ROBO1: variants seen among roughly 807,000 people sequenced by gnomAD.
ROBO1 encodes the protein roundabout guidance receptor 1.
ROBO1 carries 149 observed loss-of-function variants against 195.9 expected under a neutral mutation model. The ratio of observed to expected loss-of-function variants is 0.76; its 90% CI spans 0.67 to 0.87. ROBO1 has a LOEUF of 0.87. Ranked by LOEUF, ROBO1 falls within the 40% of genes least tolerant of loss-of-function variation. The pLI is 0.00. For missense variants in ROBO1, 1,933 were observed against 2,068.3 expected (o/e 0.93, Z 1.27); for synonymous variants, 816 against 733.2 (o/e 1.11, Z -1.82).
intron 1 of ROBO1, among the ~76,000 whole-genome samples, chr3:79,658,963 C>T (rs1004575587): frequency 6.6e-6 from 1 of 151,910 alleles, no homozygotes; most frequent in African/African-American, 2.4e-5. Context: ...TCTTGAACTC[C>T]TGACATCGTG....
rs146606179 is a variant in ROBO1, at chr3:79,189,458, C to A, written c.89-63919G>T. On this transcript the variant is annotated intron_variant, in intron 2 of 30. Coordinates refer to ENST00000464233, the MANE Select transcript of ROBO1 (RefSeq NM_002941.4). ...GTCCATGTTATGTTTGTCTATGCTGCTGCTCCTAAGAAAAGGTGAGGGGGA... is the reference window on the plus strand; with the variant it reads ...GTCCATGTTATGTTTGTCTATGCTGATGCTCCTAAGAAAAGGTGAGGGGGA... Among the ~76,000 whole-genome samples the A allele has an allele frequency of 2.9e-3, 444 of 151,820 alleles. 1 individual carries two copies. The highest frequency in any genetic ancestry group is 0.01 in the African/African-American group (426 of 41,480).
chr3:78,828,864 T>C (rs1428582865), intron 4 of ROBO1, among the ~76,000 whole-genome samples: 2 of 152,200 alleles, frequency 1.3e-5, no homozygotes, highest in African/African-American at 2.4e-5. Flanking sequence ...AAATCAAGTA[T>C]ATAAATATTA....
At chr3:79,685,596 T>C (rs2107018092) in intron 1 of ROBO1, among the ~76,000 whole-genome samples, 1 of 152,266 alleles carries the variant, frequency 6.6e-6, no homozygotes, top group African/African-American at 2.4e-5. Context: ...ACAGGGCAGT[T>C]AATGAAAGTT....
intron 4 of ROBO1, among the ~76,000 whole-genome samples, chr3:78,842,508 T>A (rs1305239577): frequency 2.9e-5 from 3 of 101,710 alleles, no homozygotes; most frequent in Non-Finnish European, 5.9e-5. Context: ...ATATATATTT[T>A]TATATATATG....
intron 2 of ROBO1, among the ~76,000 whole-genome samples, chr3:79,444,680 A>T (rs902300181): frequency 6.6e-6 from 1 of 151,934 alleles, no homozygotes; most frequent in African/African-American, 2.4e-5. Flanking sequence ...GCTTGGTCCA[A>T]ACTTTATTTT....
intron 3 of ROBO1, among the ~76,000 whole-genome samples, chr3:78,951,828 T>G (rs1361550242): frequency 6.6e-6 from 1 of 152,240 alleles, no homozygotes; most frequent in South Asian, 2.1e-4. Context: ...AGATTTATGA[T>G]GAGGAAACCA....
chr3:79,028,264 A>T (rs1298633296), intron 3 of ROBO1, among the ~76,000 whole-genome samples: 1 of 151,944 alleles, frequency 6.6e-6, no homozygotes, highest in Non-Finnish European at 1.5e-5. Flanking sequence ...ATTTTGTTGT[A>T]TATTTTTTCT....
intron 2 of ROBO1, among the ~76,000 whole-genome samples, chr3:79,260,253 AATATC>A (rs577700890): frequency 1.7e-3 from 255 of 152,172 alleles, no homozygotes; most frequent in Non-Finnish European, 3.0e-3. Flanking sequence ...CTTTATCATA[AATATC>A]ATATTATTTA....
At chr3:79,436,863 T>A (rs993517196) in intron 2 of ROBO1, among the ~76,000 whole-genome samples, 1 of 152,066 alleles carries the variant, frequency 6.6e-6, no homozygotes, top group African/African-American at 2.4e-5. Context: ...AGAAATTAGC[T>A]TTAAAAATTC....
At chr3:79,574,117 T>C (rs1337394340) in intron 2 of ROBO1, among the ~76,000 whole-genome samples, 2 of 152,128 alleles carry the variant, frequency 1.3e-5, no homozygotes, top group African/African-American at 4.8e-5. Context: ...AGGTCGCTTA[T>C]AAGTGTTGTT....
chr3:79,625,255 C>T (rs527250748), intron 1 of ROBO1, among the ~76,000 whole-genome samples: 1 of 151,234 alleles, frequency 6.6e-6, no homozygotes, highest in African/African-American at 2.4e-5. Context: ...CTAGAAAGAT[C>T]TCAAATCAAT....
chr3:79,556,644 ATATG>A (rs1346221004), intron 2 of ROBO1, among the ~76,000 whole-genome samples: 2 of 152,124 alleles, frequency 1.3e-5, no homozygotes, highest in South Asian at 2.1e-4. Context: ...TATATTGTAT[ATATG>A]TATGTATGCA....
chr3:78,618,009 C>T lies in ROBO1; in HGVS notation c.3908G>A (p.Arg1303Gln), dbSNP rs761320548. The change falls in exon 27 of 31, where the codon CGG becomes CAG. Residue 1303 changes from arginine (R) to glutamine (Q), a missense_variant. Around this residue, in one of 3 missense-constraint regions of ROBO1, gnomAD observed 1,737 missense variants for 1,882.5 expected, o/e 0.92. Coordinates refer to ENST00000464233, the MANE Select transcript of ROBO1 (RefSeq NM_002941.4). ...RQPVSPPPPPRPISPPHTYGY... is the reference protein window; with the variant it reads ...RQPVSPPPPPQPISPPHTYGY... ...ATAGGTATGTGGAGGGGAGATCGGC[C>T]GTGGTGGTGGAGGAGGACTCACAGG... 3.1e-6 allele frequency: 5 copies of T among 1,613,342 alleles called. No homozygotes were observed. The highest frequency in any genetic ancestry group is 1.3e-5 in the African/African-American group (1 of 74,992).
In ROBO1 at chr3:79,257,404, A is replaced by G. The variant is rs139291271; in HGVS notation, c.89-131865T>C. Among the ~76,000 whole-genome samples the G allele has an allele frequency of 2.2e-3, 324 of 148,616 alleles. 1 individual carries two copies. Among genetic ancestry groups the G allele is most frequent in the African/African-American group, 7.5e-3 (310 of 41,440 alleles). ...AGTTGACTCTCTGGGGCAGCAGTAG[A>G]GTAAATTAGATCTTGAAATAATCGT... On this transcript the variant is annotated intron_variant, in intron 2 of 30. Coordinates refer to ENST00000464233, the MANE Select transcript of ROBO1 (RefSeq NM_002941.4).
At chr3:79,711,618 G>C in intron 1 of ROBO1, among the ~76,000 whole-genome samples, 1 of 152,044 alleles carries the variant, frequency 6.6e-6, no homozygotes, top group East Asian at 1.9e-4. Flanking sequence ...TTCTATGAAT[G>C]CTACCGCTCT....
intron 10 of ROBO1, among the ~76,000 whole-genome samples, chr3:78,679,507 A>G (rs2080833884): frequency 1.3e-5 from 2 of 152,296 alleles, no homozygotes; most frequent in South Asian, 4.1e-4. Flanking sequence ...ATGTACAAAA[A>G]TCACAAGCAT....
At chr3:79,049,810 T>TGAA (rs2078662707) in intron 3 of ROBO1, among the ~76,000 whole-genome samples, 8 of 150,702 alleles carry the variant, frequency 5.3e-5, no homozygotes, top group Admixed American at 2.7e-4. Flanking sequence ...GCTTCATAAG[T>TGAA]GGAGAAATAA....
At chr3:79,397,765 G>C (rs990121448) in intron 2 of ROBO1, among the ~76,000 whole-genome samples, 1 of 152,026 alleles carries the variant, frequency 6.6e-6, no homozygotes, top group African/African-American at 2.4e-5. Flanking sequence ...TTGACCAAAG[G>C]CTCGCTAGTT....
intron 2 of ROBO1, among the ~76,000 whole-genome samples, chr3:79,222,985 T>C (rs2082167707): frequency 6.6e-6 from 1 of 152,162 alleles, no homozygotes. Flanking sequence ...ATAAAGAATT[T>C]AGTAACCAAA....
Sources: allele counts gnomAD v4.1 joint callset (sites outside exome capture counted in the v4.1 genomes callset), GRCh38; gene constraint gnomAD v4.1.1; regional missense constraint gnomAD v4.1.1; transcripts MANE v1.5; gene names NCBI Gene and HGNC (gene_info 2026-07-23, HGNC 2026-07-21).